Variants in DHRSX observed in about 807,000 individuals in gnomAD.
DHRSX encodes dehydrogenase/reductase X-linked.
DHRSX carries 31 observed loss-of-function variants against 34.0 expected under a neutral mutation model. That is an observed-to-expected ratio of 0.91 (90% CI 0.69 to 1.23). The LOEUF (loss-of-function observed/expected upper bound fraction) is 1.23. Among genes scored for constraint, DHRSX ranks in the 50% most tolerant of loss-of-function variants. The pLI is 0.00. For synonymous variants in DHRSX, 201 were observed against 183.8 expected (o/e 1.09, Z -0.76); for missense variants, 414 against 428.1 (o/e 0.97, Z 0.29).
intron 1 of DHRSX, chrX:2,500,520 A>T: frequency 6.4e-6 from 1 of 156,316 alleles, no homozygotes; most frequent in Non-Finnish European, 1.4e-5. Flanking sequence ...GCTTGGTTGG[A>T]GCCCGACCCG....
chrX:2,352,732 T>C lies in DHRSX; in HGVS notation c.286+56013A>G, dbSNP rs181220401. Among the ~76,000 whole-genome samples the C allele has an allele frequency of 2.6e-5, 4 of 152,204 alleles. No individual in the cohort carries two copies. In the East Asian group the frequency reaches 7.7e-4, roughly 29 times the overall value. ...AGAGGTGTGTTGAATGCTACGGTGA[T>C]AGCTACAAGCACAGGCAAAGGCTCC... On this transcript the variant is annotated intron_variant, in intron 3 of 6. Transcript: ENST00000334651.
chrX:2,378,465 G>A (rs1218284022), intron 3 of DHRSX, among the ~76,000 whole-genome samples: 5 of 151,782 alleles, frequency 3.3e-5, no homozygotes, highest in Admixed American at 2.0e-4. Context: ...CCTCCTCAAC[G>A]TCAAGATGAC....
intron 3 of DHRSX, among the ~76,000 whole-genome samples, chrX:2,344,874 T>C (rs1602978773): frequency 3.4e-4 from 1 of 2,940 alleles, no homozygotes. Context: ...AAAAGAAGCA[T>C]ATATATATAT....
At chrX:2,331,064 T>C (rs2042466514) in intron 3 of DHRSX, among the ~76,000 whole-genome samples, 1 of 152,142 alleles carries the variant, frequency 6.6e-6, no homozygotes, top group Admixed American at 6.6e-5. Flanking sequence ...CTCCCACACT[T>C]GGTAGTTGTA....
intron 1 of DHRSX, chrX:2,488,603 G>A (rs201120535): frequency 2.6e-5 from 40 of 1,553,290 alleles, no homozygotes; most frequent in Middle Eastern, 2.3e-4. Context: ...GGGCTGCTGC[G>A]GGGATGACTT....
chrX:2,432,036 C>T (rs1012277311), intron 1 of DHRSX, among the ~76,000 whole-genome samples: 1 of 151,980 alleles, frequency 6.6e-6, no homozygotes, highest in African/African-American at 2.4e-5. Flanking sequence ...ACTAAAAATA[C>T]AAAATTTAGC....
chrX:2,383,493 A>C (rs1251503944), intron 3 of DHRSX, among the ~76,000 whole-genome samples: 2 of 152,030 alleles, frequency 1.3e-5, no homozygotes, highest in African/African-American at 4.8e-5. Context: ...TGTCATCATC[A>C]TTGCCATCAT....
chrX:2,449,189 C>CA (rs57586340), intron 1 of DHRSX, among the ~76,000 whole-genome samples: 231 of 143,778 alleles, frequency 1.6e-3, no homozygotes, highest in African/African-American at 4.1e-3. Context: ...AACTCTGTCT[C>CA]AAAAAAAAAA....
intron 1 of DHRSX, among the ~76,000 whole-genome samples, chrX:2,470,853 C>CA (rs1333643380): frequency 3.3e-5 from 5 of 151,558 alleles, no homozygotes; most frequent in Non-Finnish European, 5.9e-5. Context: ...ATTCTCACTA[C>CA]AAAAAAAAGT....
At chrX:2,352,308 T>C (rs2042798232) in intron 3 of DHRSX, among the ~76,000 whole-genome samples, 1 of 152,158 alleles carries the variant, frequency 6.6e-6, no homozygotes, top group Non-Finnish European at 1.5e-5. Flanking sequence ...AGTATCTGTT[T>C]TCTTCACTAC....
chrX:2,337,080 A>G (rs1329704756), intron 3 of DHRSX, among the ~76,000 whole-genome samples: 1 of 152,064 alleles, frequency 6.6e-6, no homozygotes, highest in Non-Finnish European at 1.5e-5. Flanking sequence ...CTGGGATTAC[A>G]GGCGTGAGCC....
chrX:2,300,093 C>T (rs749158435), intron 3 of DHRSX, among the ~76,000 whole-genome samples: 35 of 152,166 alleles, frequency 2.3e-4, no homozygotes, highest in African/African-American at 7.2e-4. Context: ...TTCTTCTTTG[C>T]GATAGAGAAC....
intron 1 of DHRSX, among the ~76,000 whole-genome samples, chrX:2,449,170 C>A (rs2044182124): frequency 7.0e-6 from 1 of 142,354 alleles, no homozygotes; most frequent in Admixed American, 7.1e-5. Context: ...GCCTGGGCAA[C>A]AAGAGTAAAA....
chrX:2,272,796 C>T (rs2041574693), intron 4 of DHRSX, among the ~76,000 whole-genome samples: 1 of 152,176 alleles, frequency 6.6e-6, no homozygotes, highest in East Asian at 1.9e-4. Context: ...GCTGCAGCCC[C>T]ACAGGAGACC....
At chrX:2,365,183 T>G (rs1387184198) in intron 3 of DHRSX, among the ~76,000 whole-genome samples, 2 of 152,144 alleles carry the variant, frequency 1.3e-5, no homozygotes, top group East Asian at 3.9e-4. Flanking sequence ...GGGAGAAAAT[T>G]TTTGCAATCT....
chrX:2,261,218 A>G (rs1295959694), intron 5 of DHRSX, among the ~76,000 whole-genome samples: 1 of 144,674 alleles, frequency 6.9e-6, no homozygotes, highest in East Asian at 1.9e-4. Flanking sequence ...CTTTCAAAAA[A>G]TAAAATAAAA....
At chrX:2,358,293 TAAAC>T (rs1412331783) in intron 3 of DHRSX, among the ~76,000 whole-genome samples, 2 of 152,172 alleles carry the variant, frequency 1.3e-5, no homozygotes, top group East Asian at 1.9e-4. Context: ...ATAAGGAACT[TAAAC>T]AAATTTACAA....
intron 6 of DHRSX, among the ~76,000 whole-genome samples, chrX:2,237,096 G>A (rs1449866395): frequency 2.6e-5 from 4 of 151,986 alleles, no homozygotes; most frequent in African/African-American, 4.8e-5. Context: ...GGATGAGGCC[G>A]AATTGCTTGA....
chrX:2,414,965 A>G (rs1403390483), intron 2 of DHRSX, among the ~76,000 whole-genome samples: 1 of 152,016 alleles, frequency 6.6e-6, no homozygotes, highest in Non-Finnish European at 1.5e-5. Context: ...AGACCTCATC[A>G]TGACATGAGA....
Sources: allele counts gnomAD v4.1 joint callset (sites outside exome capture counted in the v4.1 genomes callset), GRCh38; gene constraint gnomAD v4.1.1; transcripts MANE v1.5; gene names NCBI Gene and HGNC (gene_info 2026-07-23, HGNC 2026-07-21).